SLIT3: variants seen among roughly 807,000 people sequenced by gnomAD.
SLIT3 encodes slit homolog 3 protein.
SLIT3 carries 68 observed loss-of-function variants against 184.0 expected under a neutral mutation model. That is an observed-to-expected ratio of 0.37 (90% CI 0.30 to 0.45). SLIT3 has a LOEUF of 0.45. Ranked by LOEUF, SLIT3 falls within the 20% of genes least tolerant of loss-of-function variation. SLIT3 has a pLI of 1.00. For synonymous variants in SLIT3, 831 were observed against 828.6 expected (o/e 1.00, Z -0.05); for missense variants, 1,707 against 2,026.0 (o/e 0.84, Z 3.02).
In SLIT3 at chr5:169,032,918, C is replaced by A. The variant is rs546741639; in HGVS notation, c.414-149582G>T. On this transcript the variant is annotated intron_variant, in intron 4 of 35. Coordinates refer to ENST00000519560, the MANE Select transcript of SLIT3 (RefSeq NM_003062.4). ...ATCATCTCATAAGTATCCATTTTTC[C>A]TTGATTTTTTTTTTTTTTTTTTTTT... Among the ~76,000 whole-genome samples, 403 of 124,792 alleles carry A rather than the reference C, an allele frequency of 3.2e-3. 5 individuals are homozygous for A. The highest frequency in any genetic ancestry group is 5.2e-3 in the Non-Finnish European group (294 of 56,648). The allele number at this position is 124,792 out of a possible 152,430, so 81.9% of individuals were successfully genotyped here.
At chr5:169,130,364 T>C (rs1481955503) in intron 4 of SLIT3, among the ~76,000 whole-genome samples, 1 of 152,332 alleles carries the variant, frequency 6.6e-6, no homozygotes, top group East Asian at 1.9e-4. Context: ...TCAGCAGACA[T>C]CCTGGTGGAA....
chr5:169,006,898 G>A (rs1341924592), intron 4 of SLIT3, among the ~76,000 whole-genome samples: 1 of 152,034 alleles, frequency 6.6e-6, no homozygotes, highest in East Asian at 1.9e-4. Flanking sequence ...CTGGGCACTT[G>A]GTAAGCCAGG....
intron 4 of SLIT3, among the ~76,000 whole-genome samples, chr5:169,044,589 G>T (rs1375408193): frequency 2.8e-4 from 26 of 92,492 alleles, no homozygotes; most frequent in African/African-American, 5.1e-4. Flanking sequence ...GAGGAAGGTG[G>T]GGGGGGGGAT....
chr5:169,043,192 G>T (rs1258177207), intron 4 of SLIT3, among the ~76,000 whole-genome samples: 1 of 152,122 alleles, frequency 6.6e-6, no homozygotes, highest in Non-Finnish European at 1.5e-5. Context: ...AGGTCATACA[G>T]CCAGCGCAGA....
chr5:168,765,105 G>A (rs1318235372), intron 14 of SLIT3, among the ~76,000 whole-genome samples: 1 of 152,190 alleles, frequency 6.6e-6, no homozygotes, highest in East Asian at 1.9e-4. Flanking sequence ...GCTGATCAAA[G>A]GCAGAAAGAC....
intron 4 of SLIT3, among the ~76,000 whole-genome samples, chr5:169,118,688 G>T (rs1760777981): frequency 6.6e-6 from 1 of 152,148 alleles, no homozygotes; most frequent in African/African-American, 2.4e-5. Flanking sequence ...ACCAGCAGTT[G>T]TTACAAGGAG....
chr5:169,104,224 G>A (rs917448972), intron 4 of SLIT3, among the ~76,000 whole-genome samples: 2 of 152,134 alleles, frequency 1.3e-5, no homozygotes, highest in African/African-American at 2.4e-5. Context: ...ATGAAGCCGC[G>A]CCGGGAAGCA....
chr5:169,160,849 A>G (rs1762453815), intron 4 of SLIT3, among the ~76,000 whole-genome samples: 1 of 152,190 alleles, frequency 6.6e-6, no homozygotes, highest in Admixed American at 6.5e-5. Context: ...CTACACTTTG[A>G]GGGATCCAGG....
intron 4 of SLIT3, among the ~76,000 whole-genome samples, chr5:169,043,995 C>T (rs930079143): frequency 7.9e-5 from 12 of 152,180 alleles, no homozygotes; most frequent in African/African-American, 2.9e-4. Flanking sequence ...GATCCCAGAT[C>T]AGAGAAACTT....
At chr5:168,949,511 A>C (rs1762584145) in intron 4 of SLIT3, among the ~76,000 whole-genome samples, 1 of 152,246 alleles carries the variant, frequency 6.6e-6, no homozygotes, top group African/African-American at 2.4e-5. Context: ...GTGTGCTGTG[A>C]CTAGATACAC....
At chr5:169,052,533 G>T (rs1342614018) in intron 4 of SLIT3, among the ~76,000 whole-genome samples, 2 of 152,166 alleles carry the variant, frequency 1.3e-5, no homozygotes, top group African/African-American at 4.8e-5. Context: ...CTTGTTAAAG[G>T]CAGCGAGGCC....
chr5:168,722,447 G>C (rs1762975028), intron 22 of SLIT3, 120 bp from the exon 23 acceptor site: 5 of 831,070 alleles, frequency 6.0e-6, no homozygotes, highest in Middle Eastern at 2.2e-4. Flanking sequence ...TATATTGACA[G>C]AACATCCCCT....
intron 27 of SLIT3, among the ~76,000 whole-genome samples, chr5:168,697,062 T>A (rs993073829): frequency 6.6e-6 from 1 of 152,160 alleles, no homozygotes; most frequent in African/African-American, 2.4e-5. Flanking sequence ...ACATAGCACA[T>A]AGAAAATGCT....
chr5:168,897,464 G>C (rs7704619), intron 4 of SLIT3, among the ~76,000 whole-genome samples: 71,319 of 151,714 alleles, frequency 0.47, 17,039 homozygotes, highest in Non-Finnish European at 0.52. Context: ...AGTTAAAGAG[G>C]GAGACTGACA....
chr5:168,821,818 C>T lies in SLIT3; in HGVS notation c.629+1442G>A, dbSNP rs776142063. On this transcript the variant is annotated intron_variant, in intron 7 of 35. Transcript: ENST00000519560. ...AAGCACAGAGAAATGAAGAAACTTG[C>T]TCAAATTAAGTGGCAGAGCTCCCAT... Among the ~76,000 whole-genome samples the T allele has an allele frequency of 4.9e-4, 75 of 152,204 alleles. 2 individuals are homozygous for T. The highest frequency in any genetic ancestry group is 3.3e-4 in the Admixed American group (5 of 15,286).
rs200615379 is a variant in SLIT3, at chr5:168,748,321, G to A, written c.2251C>T (p.Pro751Ser). 3.7e-5 allele frequency: 55 copies of A among 1,483,836 alleles called. No homozygotes were observed. In the East Asian group the frequency reaches 9.8e-4, roughly 27 times the overall value. 91.9% of individuals were successfully genotyped at this position (1,483,836 alleles called of 1,614,324 possible). A position where few individuals can be genotyped will look rare whatever the true frequency, so the allele number is the denominator to read the frequency against. ...ACTTACAGCTCGGTCACATCCTTGG[G>A]CATGCCTCTGGGGAGGGCGCGGAGC... ...KGLRALPRGM[P>S]KDVTELYLEG... The change falls in exon 20 of 36, where the codon CCC (proline) becomes TCC (serine). Residue 751 changes from proline to serine, a missense_variant. Transcript: ENST00000519560.
chr5:168,703,819 G>T (rs898826518), intron 26 of SLIT3, among the ~76,000 whole-genome samples: 3 of 151,790 alleles, frequency 2.0e-5, no homozygotes, highest in African/African-American at 7.3e-5. Flanking sequence ...GGGCGTGGTG[G>T]TGGGCATCCC....
chr5:169,295,665 C>G (rs1265845826), intron 1 of SLIT3, among the ~76,000 whole-genome samples: 1 of 152,216 alleles, frequency 6.6e-6, no homozygotes, highest in Non-Finnish European at 1.5e-5. Context: ...TTGCCATAGC[C>G]CACATTGCCA....
chr5:168,686,202 G>C (rs566524573), intron 30 of SLIT3, among the ~76,000 whole-genome samples: 1 of 152,182 alleles, frequency 6.6e-6, no homozygotes, highest in African/African-American at 2.4e-5. Flanking sequence ...ACAGGAGTGC[G>C]AGTTCAGGCT....
Sources: allele counts gnomAD v4.1 joint callset (sites outside exome capture counted in the v4.1 genomes callset), GRCh38; gene constraint gnomAD v4.1.1; transcripts MANE v1.5; gene names NCBI Gene and HGNC (gene_info 2026-07-23, HGNC 2026-07-21).